ALK: variants seen among roughly 807,000 people sequenced by gnomAD.
ALK encodes the protein ALK receptor tyrosine kinase.
In ALK, 74 loss-of-function variants were observed where a neutral mutation model predicts 163.1. The ratio of observed to expected loss-of-function variants is 0.45; its 90% CI spans 0.38 to 0.55. The LOEUF (loss-of-function observed/expected upper bound fraction) is 0.55. Ranked by LOEUF, ALK falls within the 20% of genes least tolerant of loss-of-function variation. The pLI is 0.00. For missense variants in ALK, 2,063 were observed against 2,105.3 expected (o/e 0.98, Z 0.39); for synonymous variants, 960 against 843.2 (o/e 1.14, Z -2.40).
intron 11 of ALK, among the ~76,000 whole-genome samples, chr2:29,261,285 T>C (rs1021943393): frequency 3.3e-5 from 5 of 152,148 alleles, no homozygotes; most frequent in Non-Finnish European, 5.9e-5. Flanking sequence ...ATTTTGAAGT[T>C]TTAGGGGAAT....
At chr2:29,822,558 T>C (rs959385114) in intron 1 of ALK, among the ~76,000 whole-genome samples, 12 of 152,230 alleles carry the variant, frequency 7.9e-5, no homozygotes, top group African/African-American at 2.4e-4. Flanking sequence ...CCCATCCCTG[T>C]TCTCTAGGAC....
intron 4 of ALK, among the ~76,000 whole-genome samples, chr2:29,426,900 T>G (rs1347272813): frequency 1.3e-5 from 2 of 151,504 alleles, no homozygotes; most frequent in East Asian, 3.9e-4. Context: ...TAACTGAGCA[T>G]AGTGGGGTGC....
chr2:29,871,454 A>C (rs1450225938), intron 1 of ALK, among the ~76,000 whole-genome samples: 1 of 152,200 alleles, frequency 6.6e-6, no homozygotes, highest in Non-Finnish European at 1.5e-5. Context: ...TGGGAGTCCA[A>C]GGCTGGTCCT....
chr2:29,219,005 A>G (rs191570884), intron 23 of ALK, among the ~76,000 whole-genome samples: 3 of 152,316 alleles, frequency 2.0e-5, no homozygotes, highest in East Asian at 1.9e-4. Context: ...AGGGCACTGA[A>G]TCAAGAGTCA....
At chr2:29,555,394 G>A (rs535691957) in intron 3 of ALK, among the ~76,000 whole-genome samples, 154 of 152,182 alleles carry the variant, frequency 1.0e-3, no homozygotes, top group African/African-American at 3.6e-3. Context: ...AGGACCTCAG[G>A]CTGGGCTGCT....
At chr2:29,441,743 C>T (rs1388866867) in intron 4 of ALK, among the ~76,000 whole-genome samples, 2 of 152,108 alleles carry the variant, frequency 1.3e-5, no homozygotes, top group Non-Finnish European at 2.9e-5. Flanking sequence ...TTGATTTGGG[C>T]ATTACAGTTG....
At chr2:29,582,161 T>A (rs1029829421) in intron 3 of ALK, among the ~76,000 whole-genome samples, 1 of 152,210 alleles carries the variant, frequency 6.6e-6, no homozygotes, top group Non-Finnish European at 1.5e-5. Flanking sequence ...ATAGAGCCAC[T>A]TCTGGAGGGA....
chr2:29,710,489 A>AGTGTGTGTGCGTGTGTGTGTGT (rs1679047072), intron 2 of ALK, among the ~76,000 whole-genome samples: 3 of 114,072 alleles, frequency 2.6e-5, no homozygotes, highest in Non-Finnish European at 3.6e-5. Flanking sequence ...CTTCAACCTC[A>AGTGTGTGTGCGTGTGTGTGTGT]GTCTGTGTGC....
intron 1 of ALK, among the ~76,000 whole-genome samples, chr2:29,731,740 G>A (rs1470158393): frequency 3.3e-5 from 5 of 152,142 alleles, no homozygotes; most frequent in African/African-American, 9.7e-5. Context: ...TTTTCATTAG[G>A]ACAATAGCAA....
chr2:29,508,566 G>A (rs1178503841), intron 4 of ALK, among the ~76,000 whole-genome samples: 1 of 151,848 alleles, frequency 6.6e-6, no homozygotes, highest in Admixed American at 6.6e-5. Flanking sequence ...GGAGCGGGAA[G>A]GGATAGCATT....
chr2:29,479,934 C>T (rs1671622543), intron 4 of ALK, among the ~76,000 whole-genome samples: 1 of 152,198 alleles, frequency 6.6e-6, no homozygotes, highest in Admixed American at 6.5e-5. Flanking sequence ...ATATACCAGA[C>T]ACATAACTCA....
chr2:29,361,176 T>C (rs1211205003), intron 5 of ALK, among the ~76,000 whole-genome samples: 1 of 152,218 alleles, frequency 6.6e-6, no homozygotes, highest in Non-Finnish European at 1.5e-5. Flanking sequence ...GTCCCTGTGC[T>C]ATTAGGAGTG....
intron 1 of ALK, among the ~76,000 whole-genome samples, chr2:29,799,506 AAAACAAAC>A (rs143069404): frequency 0.05 from 7,561 of 151,432 alleles, 637 homozygotes; most frequent in African/African-American, 0.17. Flanking sequence ...GTCTCAAAAC[AAAACAAAC>A]AAACAAACAA....
chr2:29,306,087 G>A (rs372732701), intron 8 of ALK, among the ~76,000 whole-genome samples: 35 of 151,716 alleles, frequency 2.3e-4, no homozygotes, highest in African/African-American at 6.8e-4. Flanking sequence ...AGTACTGGTC[G>A]GTGGCCTGGG....
intron 1 of ALK, among the ~76,000 whole-genome samples, chr2:29,880,763 G>A (rs1403413271): frequency 1.3e-5 from 2 of 152,152 alleles, no homozygotes; most frequent in African/African-American, 4.8e-5. Flanking sequence ...GCTTCTTTAA[G>A]GAATCCTAAG....
intron 5 of ALK, among the ~76,000 whole-genome samples, chr2:29,375,642 A>C (rs1046093292): frequency 7.2e-5 from 11 of 152,178 alleles, no homozygotes; most frequent in East Asian, 3.9e-4. Flanking sequence ...TGACAAAAAA[A>C]CCCCACAAAA....
At chr2:29,338,375 C>T (rs1316136909) in intron 5 of ALK, among the ~76,000 whole-genome samples, 3 of 152,306 alleles carry the variant, frequency 2.0e-5, no homozygotes, top group East Asian at 1.9e-4. Context: ...TACCATAAAC[C>T]TTTGCTGGTT....
chr2:29,769,911 G>C (rs1320143532), intron 1 of ALK, among the ~76,000 whole-genome samples: 1 of 152,202 alleles, frequency 6.6e-6, no homozygotes, highest in East Asian at 1.9e-4. Context: ...TAGTGTGGAG[G>C]CCTAGCAGCA....
intron 28 of ALK, among the ~76,000 whole-genome samples, chr2:29,194,793 CA>C (rs1668983031): frequency 1.3e-5 from 2 of 152,106 alleles, no homozygotes; most frequent in South Asian, 4.1e-4. Context: ...GCTGGGATTA[CA>C]GGCATTCTTT....
Sources: gnomAD v4.1 joint callset for allele counts (sites outside exome capture counted in the v4.1 genomes callset) on GRCh38, gnomAD v4.1.1 for gene constraint, MANE v1.5 for transcripts, NCBI Gene and HGNC (gene_info 2026-07-23, HGNC 2026-07-21) for gene names.